Variants in ABCB9 observed in about 807,000 individuals in gnomAD.
The protein encoded by ABCB9 is ATP binding cassette subfamily B member 9.
A neutral mutation model predicts 62.0 loss-of-function variants in ABCB9; 36 were observed. The ratio of observed to expected loss-of-function variants is 0.58; its 90% CI spans 0.45 to 0.77. The LOEUF (loss-of-function observed/expected upper bound fraction) is 0.77. Among genes scored for constraint, ABCB9 ranks in the 30% least tolerant of loss-of-function variants. The probability of loss-of-function intolerance (pLI) is 0.00; values close to 1 mark genes in which losing one functional copy is unlikely to be tolerated. For synonymous variants in ABCB9, 435 were observed against 461.4 expected, an observed-to-expected ratio of 0.94 and a Z score of 0.73; for missense variants, 943 against 1,054.7, an observed-to-expected ratio of 0.89 and a Z score of 1.47.
chr12:122,972,358 G>T (rs1170876065), intron 1 of ABCB9, among the ~76,000 whole-genome samples: 1 of 152,142 alleles, frequency 6.6e-6, no homozygotes, highest in Non-Finnish European at 1.5e-5. Flanking sequence ...ATGTCTGTCA[G>T]CTGTAGAATG....
At chr12:122,972,440 C>G (rs900990077) in intron 1 of ABCB9, among the ~76,000 whole-genome samples, 2 of 152,130 alleles carry the variant, frequency 1.3e-5, no homozygotes, top group South Asian at 2.1e-4. Context: ...GGCGCTTCTA[C>G]GGGGGCTGGA....
chr12:122,945,913 T>C (rs1197236483), intron 6 of ABCB9, 112 bp downstream of exon 6: 2 of 989,486 alleles, frequency 2.0e-6, no homozygotes, highest in South Asian at 1.5e-5. Context: ...GACAGACAGA[T>C]TCTCCACCAG....
At chr12:122,936,083 C>A (rs2035444401) in intron 9 of ABCB9, among the ~76,000 whole-genome samples, 1 of 152,036 alleles carries the variant, frequency 6.6e-6, no homozygotes, top group South Asian at 2.1e-4. Flanking sequence ...ATCATTGCAA[C>A]ACCATAAGTA....
chr12:122,961,953 G>C (rs1470256620), intron 1 of ABCB9, among the ~76,000 whole-genome samples: 1 of 152,192 alleles, frequency 6.6e-6, no homozygotes, highest in Non-Finnish European at 1.5e-5. Flanking sequence ...TTCTATCTCT[G>C]CAACCCCAAA....
chr12:122,972,522 GT>G (rs1438141112), intron 1 of ABCB9, among the ~76,000 whole-genome samples: 1 of 150,324 alleles, frequency 6.7e-6, no homozygotes, highest in Non-Finnish European at 1.5e-5. Context: ...TTTTGTTTTT[GT>G]TTTCTGAGAC....
rs61747213 is a variant in ABCB9, at chr12:122,935,423, C to T, written c.1752G>A (p.Leu584=). 507 of 1,613,048 alleles carry T rather than the reference C, an allele frequency of 3.1e-4. 3 individuals are homozygous for T. Among genetic ancestry groups the T allele is most frequent in the Non-Finnish European group, 5.2e-5 (61 of 1,179,660 alleles). The stretch of plus-strand genomic sequence containing the variant: ...CGAACAGCACGGGCTCCTGGCTCAC[C>T]AGGGAGATCTGGGGAGGAGGGAGCA... ...DHKYLHRVIS[L]VSQEPVLFAR... is the part of the protein sequence containing the mutation. Residue 584 remains leucine, a synonymous_variant, in exon 10 of 12, where the codon CTG becomes CTA. Transcript: ENST00000280560.
Position 122,929,690 on chromosome 12 carries a change from G to C in ABCB9, c.*221C>G, listed in dbSNP as rs980093617. 21 of 1,290,176 alleles carry C rather than the reference G, an allele frequency of 1.6e-5. No individual in the cohort carries two copies. The highest frequency in any genetic ancestry group is 6.9e-6 in the Non-Finnish European group (7 of 1,016,928). The allele number at this position is 1,290,176 out of a possible 1,614,324, so 79.9% of individuals were successfully genotyped here. ...TACCTTTGCTTAGGAGGCTAGGGAG[G>C]TCCGTGAAGGCGTTGGCTCAGGGCA... On this transcript the variant is annotated 3_prime_UTR_variant, in exon 12 of 12. Coordinates refer to ENST00000280560, the MANE Select transcript of ABCB9 (RefSeq NM_019625.4). The surrounding 1 kb of genome is among the most constrained non-coding windows in gnomAD (Gnocchi z 6.0).
chr12:122,948,740 T>G lies in ABCB9; in HGVS notation c.937A>C (p.Lys313Gln). The G allele has an allele frequency of 6.2e-7, 1 of 1,613,580 alleles. No homozygotes were observed. Among genetic ancestry groups the G allele is most frequent in the Non-Finnish European group, 8.5e-7 (1 of 1,179,714 alleles). The change falls in exon 5 of 12, where the codon AAG (lysine) becomes CAG (glutamine). Residue 313 changes from lysine (K) to glutamine (Q), a missense_variant. Coordinates refer to ENST00000280560, the MANE Select transcript of ABCB9 (RefSeq NM_019625.4). The part of the protein sequence containing the change: ...NINVFLRNTV[K>Q]VTGVVVFMFS... ...ATGAAGACCACCACGCCCGTGACCT[T>G]GACTGTGTTCCGCAGGAAGACATTG...
chr12:122,962,135 C>G (rs2036937614), intron 1 of ABCB9, among the ~76,000 whole-genome samples: 1 of 152,186 alleles, frequency 6.6e-6, no homozygotes, highest in African/African-American at 2.4e-5. Flanking sequence ...ATCTTGATGT[C>G]TGCTTTATCC....
Position 122,960,247 on chromosome 12 carries a change from G to T in ABCB9, c.-12C>A, listed in dbSNP as rs764331727. On this transcript the variant is annotated 5_prime_UTR_variant, in exon 2 of 12. Coordinates refer to ENST00000280560, the MANE Select transcript of ABCB9 (RefSeq NM_019625.4). ...TTCCACAGCCGCATCCTGCTGGTTG[G>T]AGGTGGGCGGGTGCTGAAGGCCAGG... 1.9e-6 allele frequency: 3 copies of T among 1,606,424 alleles called. No individual in the cohort carries two copies. The South Asian group carries it at 3.3e-5, about 18-fold the overall frequency.
chr12:122,943,002 A>G (rs1374561601), intron 7 of ABCB9, among the ~76,000 whole-genome samples: 6 of 152,118 alleles, frequency 3.9e-5, no homozygotes, highest in Non-Finnish European at 8.8e-5. Flanking sequence ...AACATCCTTG[A>G]GCCTTTGTCA....
At chr12:122,927,800 C>T (rs1238322899), downstream of ABCB9, among the ~76,000 whole-genome samples, 2 of 152,210 alleles carry the variant, frequency 1.3e-5, no homozygotes, top group Non-Finnish European at 2.9e-5. Context: ...CACCTCTACA[C>T]ATGTGCTTGT....
downstream of ABCB9, among the ~76,000 whole-genome samples, chr12:122,925,919 G>T (rs755577615): frequency 1.3e-5 from 2 of 152,218 alleles, no homozygotes; most frequent in Non-Finnish European, 2.9e-5. Flanking sequence ...CCATGAAAAG[G>T]AATAAAGTGC....
intron 9 of ABCB9, among the ~76,000 whole-genome samples, chr12:122,936,047 T>C (rs376995354): frequency 6.6e-6 from 1 of 151,426 alleles, no homozygotes; most frequent in Non-Finnish European, 1.5e-5. Context: ...ATCTACAAAA[T>C]GAAAAAAATA....
At position 122,946,005 on chromosome 12, in the gene ABCB9, G is replaced by A. The variant is rs2036025792; in HGVS notation, c.1251+20C>T. On this transcript the variant is annotated intron_variant, in intron 6 of 11. Coordinates refer to ENST00000280560, the MANE Select transcript of ABCB9 (RefSeq NM_019625.4). ...ATCCCATCCCTCCACAGCCAGAGCTGCCTGGCCAGGGGCACGTACCCCGCT... is the reference window on the plus strand; with the variant it reads ...ATCCCATCCCTCCACAGCCAGAGCTACCTGGCCAGGGGCACGTACCCCGCT... The A allele has an allele frequency of 5.6e-6, 9 of 1,611,578 alleles. No homozygotes were observed. Among genetic ancestry groups the A allele is most frequent in the Admixed American group, 3.3e-5 (2 of 59,832 alleles).
At chr12:122,919,881 G>GTTTATTTATTATTTATTTA (rs2034705814), downstream of ABCB9, among the ~76,000 whole-genome samples, 2 of 138,814 alleles carry the variant, frequency 1.4e-5, no homozygotes, top group Admixed American at 7.2e-5. Flanking sequence ...CTGTTTGTTT[G>GTTTATTTATTATTTATTTA]TTTATTTATT....
At position 122,944,650 on chromosome 12, in the gene ABCB9, G is replaced by T; in HGVS notation, c.1252-131C>A. 1.5e-6 allele frequency: 2 copies of T among 1,317,570 alleles called. No homozygotes were observed. Among genetic ancestry groups the T allele is most frequent in the Admixed American group, 2.3e-5 (1 of 42,582 alleles). The allele number at this position is 1,317,570 out of a possible 1,614,324, so 81.6% of individuals were successfully genotyped here. ...GCCACAAACTGAAATGCCGGCCGTT[G>T]GCAGGGGTGTCTTCCAAGGCTTGTC... is the stretch of plus-strand genomic sequence containing the variant. On this transcript the variant is annotated intron_variant, in intron 6 of 11. Coordinates refer to ENST00000280560, the MANE Select transcript of ABCB9 (RefSeq NM_019625.4). This position sits in a 1 kb window ranked among gnomAD's most constrained non-coding sequence, Gnocchi z 4.9.
downstream of ABCB9, among the ~76,000 whole-genome samples, chr12:122,925,122 C>T (rs1484265712): frequency 3.3e-5 from 5 of 152,082 alleles, no homozygotes; most frequent in South Asian, 2.1e-4. Flanking sequence ...GGTTTCACCA[C>T]GTTGCCCAGG....
downstream of ABCB9, among the ~76,000 whole-genome samples, chr12:122,919,373 T>C (rs946237426): frequency 6.6e-6 from 1 of 152,032 alleles, no homozygotes; most frequent in Non-Finnish European, 1.5e-5. Context: ...GGTCCCACTA[T>C]GTTGCCCAGG....
Sources: gnomAD v4.1 joint callset for allele counts (sites outside exome capture counted in the v4.1 genomes callset) on GRCh38, gnomAD v4.1.1 for gene constraint, Gnocchi (gnomAD v3.1) non-coding constraint, MANE v1.5 for transcripts, NCBI Gene and HGNC (gene_info 2026-07-23, HGNC 2026-07-21) for gene names.